The following SGCD variants were observed in gnomAD, a reference collection of about 807,000 sequenced individuals.
SGCD encodes the protein sarcoglycan delta.
A neutral mutation model predicts 36.6 loss-of-function variants in SGCD; 18 were observed. The observed-to-expected ratio is 0.49, with a 90% CI of 0.34 to 0.73. SGCD has a LOEUF of 0.73. Ranked by LOEUF, SGCD falls within the 30% of genes least tolerant of loss-of-function variation. The probability of loss-of-function intolerance (pLI) is 0.01; values close to 1 mark genes in which losing one functional copy is unlikely to be tolerated. For synonymous variants in SGCD, 133 were observed against 130.6 expected (o/e 1.02, Z -0.12); for missense variants, 387 against 346.7 (o/e 1.12, Z -0.92).
the SGCD span, among the ~76,000 whole-genome samples, chr5:155,734,361 C>T: frequency 8.0e-3 from 1,209 of 151,898 alleles, 12 homozygotes; most frequent in Non-Finnish European, 9.2e-3. Flanking sequence ...TGCACCACCA[C>T]GACTAGCTAG....
At chr5:156,402,211 A>T (rs1772192116) in intron 3 of SGCD, among the ~76,000 whole-genome samples, 1 of 152,166 alleles carries the variant, frequency 6.6e-6, no homozygotes, top group East Asian at 1.9e-4. Context: ...GTTGTGCATC[A>T]TGTTGCTATG....
chr5:155,938,130 CA>C (rs1757248161), intron 1 of SGCD, among the ~76,000 whole-genome samples: 1 of 152,186 alleles, frequency 6.6e-6, no homozygotes, highest in African/African-American at 2.4e-5. Flanking sequence ...CTTGTTGGCC[CA>C]GGGGGTGCTT....
chr5:156,498,214 C>T lies in SGCD; in HGVS notation c.193-10387C>T, dbSNP rs182189669. ...AATTCCAAAGCACGTCATAGCATGT[C>T]TCTTGAATTGGATTGCTTTTTTTTC... is the stretch of plus-strand genomic sequence containing the variant. On this transcript the variant is annotated intron_variant, in intron 3 of 8. Transcript: ENST00000337851. 7.3e-4 allele frequency among the ~76,000 whole-genome samples: 100 copies of T among 136,734 alleles called. No individual in the cohort carries two copies. In the Middle Eastern group the frequency reaches 0.011, roughly 15 times the overall value. The allele number at this position is 136,734 out of a possible 152,430, so 89.7% of individuals were successfully genotyped here. A position where few individuals can be genotyped will look rare whatever the true frequency, so the allele number is the denominator to read the frequency against.
intron 4 of SGCD, among the ~76,000 whole-genome samples, chr5:156,536,797 A>G (rs1758133694): frequency 6.6e-6 from 1 of 152,168 alleles, no homozygotes; most frequent in Non-Finnish European, 1.5e-5. Context: ...ACACTTACCA[A>G]TGTTTCAAAC....
At chr5:156,078,729 T>G (rs1760868236) in intron 1 of SGCD, among the ~76,000 whole-genome samples, 1 of 150,488 alleles carries the variant, frequency 6.6e-6, no homozygotes, top group Admixed American at 6.6e-5. Flanking sequence ...TTGCATACTT[T>G]GCTCAGTTTT....
In SGCD at chr5:155,983,048, G is replaced by A. The variant is rs557227558; in HGVS notation, c.-282+112624G>A. On this transcript the variant is annotated intron_variant, in intron 1 of 9. Transcript: ENST00000517913. ...AAAGAAATAGGCTGCTAAATAATTA[G>A]TGAGATAATGCTTGTGTTTTTTAAA... 1.7e-4 allele frequency among the ~76,000 whole-genome samples: 26 copies of A among 152,244 alleles called. No individual in the cohort carries two copies. The South Asian group carries it at 5.0e-3, about 29-fold the overall frequency.
At chr5:156,128,799 C>T (rs1762242333) in intron 3 of SGCD, among the ~76,000 whole-genome samples, 1 of 152,128 alleles carries the variant, frequency 6.6e-6, no homozygotes, top group Non-Finnish European at 1.5e-5. Flanking sequence ...TCAATTAAAC[C>T]TCTTTTCTTT....
the SGCD span, among the ~76,000 whole-genome samples, chr5:155,833,023 C>T: frequency 7.6e-6 from 1 of 132,386 alleles, no homozygotes; most frequent in East Asian, 2.2e-4. Context: ...GCCCGGTCAA[C>T]ATCGTGAAAC....
chr5:156,033,276 G>T (rs1350859088), intron 1 of SGCD, among the ~76,000 whole-genome samples: 1 of 151,958 alleles, frequency 6.6e-6, no homozygotes, highest in Admixed American at 6.6e-5. Flanking sequence ...ACAAGTGCAG[G>T]TTTCTTACAT....
intron 3 of SGCD, among the ~76,000 whole-genome samples, chr5:156,448,946 T>C (rs924895154): frequency 2.0e-5 from 3 of 151,692 alleles, no homozygotes; most frequent in Admixed American, 2.0e-4. Flanking sequence ...GTAAAGACTG[T>C]TTTTACCATG....
rs1170237040 is a variant in SGCD, at chr5:156,379,019, A to G, written c.192+34342A>G. On this transcript the variant is annotated intron_variant, in intron 3 of 8. Coordinates refer to ENST00000337851, the MANE Select transcript of SGCD (RefSeq NM_000337.6). ...GTTTGCATCTACTTCCATTTCATCT[A>G]CTTATGTACTCACAAACCTATTCAT... 2.0e-5 allele frequency among the ~76,000 whole-genome samples: 3 copies of G among 152,136 alleles called. No individual in the cohort carries two copies. In the East Asian group the frequency reaches 5.8e-4, roughly 29 times the overall value.
intron 1 of SGCD, among the ~76,000 whole-genome samples, chr5:155,894,398 T>C (rs1399478376): frequency 1.3e-5 from 2 of 152,132 alleles, no homozygotes; most frequent in African/African-American, 2.4e-5. Context: ...ACTTTATATG[T>C]GGAATTTGTA....
intron 3 of SGCD, among the ~76,000 whole-genome samples, chr5:156,381,032 C>T (rs12521918): frequency 0.034 from 5,162 of 152,268 alleles, 231 homozygotes; most frequent in African/African-American, 0.096. Context: ...TCTCATTCCT[C>T]TCCCATGACA....
At chr5:156,222,135 A>G (rs1764731548) in intron 3 of SGCD, among the ~76,000 whole-genome samples, 1 of 152,080 alleles carries the variant, frequency 6.6e-6, no homozygotes, top group Non-Finnish European at 1.5e-5. Context: ...TTAACAAAAT[A>G]GAAGAGGCCG....
intron 1 of SGCD, among the ~76,000 whole-genome samples, chr5:155,930,481 A>G (rs1359887932): frequency 6.6e-6 from 1 of 152,170 alleles, no homozygotes; most frequent in Admixed American, 6.5e-5. Flanking sequence ...AACACACAAT[A>G]GGTTCTCTGA....
chr5:155,786,329 A>G, the SGCD span, among the ~76,000 whole-genome samples: 46 of 152,256 alleles, frequency 3.0e-4, 1 homozygote, highest in East Asian at 8.7e-3. Flanking sequence ...CACCAGCCCC[A>G]GGCAGAAACA....
In SGCD at chr5:156,458,553, C is replaced by G. The variant is rs117318591; in HGVS notation, c.193-50048C>G. The G allele has an allele frequency of 1.1e-3, 1,295 of 1,222,796 alleles. 22 individuals carry two copies. In the East Asian group the frequency reaches 0.029, roughly 27 times the overall value. 75.7% of individuals were successfully genotyped at this position (1,222,796 alleles called of 1,614,324 possible). Reference sequence around the variant, plus strand: ...CACACCAGTGATTCTTTCCCTCAAACCGCATATGTCAAAATTCAGCACCTT... The same window carrying G: ...CACACCAGTGATTCTTTCCCTCAAAGCGCATATGTCAAAATTCAGCACCTT... On this transcript the variant is annotated intron_variant, in intron 3 of 8. Coordinates refer to ENST00000337851, the MANE Select transcript of SGCD (RefSeq NM_000337.6).
chr5:156,348,017 G>C (rs1769037601), intron 3 of SGCD, among the ~76,000 whole-genome samples: 2 of 152,164 alleles, frequency 1.3e-5, no homozygotes, highest in Admixed American at 1.3e-4. Context: ...TGAAGTGTTA[G>C]AAAATTGGTC....
chr5:156,491,280 A>G (rs1391517460), intron 3 of SGCD, among the ~76,000 whole-genome samples: 1 of 152,172 alleles, frequency 6.6e-6, no homozygotes, highest in Non-Finnish European at 1.5e-5. Context: ...AAACTAATCT[A>G]TAGATTTAAT....
Sources: allele counts gnomAD v4.1 joint callset (sites outside exome capture counted in the v4.1 genomes callset), GRCh38; gene constraint gnomAD v4.1.1; transcripts MANE v1.5; gene names NCBI Gene and HGNC (gene_info 2026-07-23, HGNC 2026-07-21).